Variants in TBCA observed in about 807,000 individuals in gnomAD.
TBCA encodes tubulin folding cofactor A, also known as tubulin-specific chaperone A.
A neutral mutation model predicts 15.8 loss-of-function variants in TBCA; 6 were observed. That is an observed-to-expected ratio of 0.38 (90% CI 0.21 to 0.75). The LOEUF is 0.75. Ranked by LOEUF, TBCA falls within the 30% of genes least tolerant of loss-of-function variation. The probability of loss-of-function intolerance (pLI) is 0.46; values close to 1 mark genes in which losing one functional copy is unlikely to be tolerated. For missense variants in TBCA, 90 were observed against 131.2 expected, an observed-to-expected ratio of 0.69 and a Z score of 1.53; for synonymous variants, 32 against 42.3, an observed-to-expected ratio of 0.76 and a Z score of 0.94.
chr5:77,753,707 G>A (rs1344917637), intron 1 of TBCA, among the ~76,000 whole-genome samples: 1 of 152,136 alleles, frequency 6.6e-6, no homozygotes, highest in Non-Finnish European at 1.5e-5. Flanking sequence ...TAATATCAAA[G>A]TTCAATTTTA....
At chr5:77,715,436 T>A (rs982725932) in intron 1 of TBCA, 24 of 560,300 alleles carry the variant, frequency 4.3e-5, no homozygotes, top group Non-Finnish European at 9.5e-6. Context: ...ATAGAATAGA[T>A]TCTAAGGAAC....
At chr5:77,744,060 G>A (rs960787707) in intron 1 of TBCA, among the ~76,000 whole-genome samples, 2 of 151,998 alleles carry the variant, frequency 1.3e-5, no homozygotes, top group African/African-American at 4.8e-5. Context: ...CAACTCCACG[G>A]ACCCTAAATG....
At chr5:77,693,804 A>AAC (rs1374468319) in intron 2 of TBCA, among the ~76,000 whole-genome samples, 3 of 109,810 alleles carry the variant, frequency 2.7e-5, no homozygotes, top group African/African-American at 1.3e-4. Context: ...CATCTCAAAA[A>AAC]AAAAAAAAAA....
intron 1 of TBCA, among the ~76,000 whole-genome samples, chr5:77,728,362 T>C (rs1746677847): frequency 6.6e-6 from 1 of 152,192 alleles, no homozygotes; most frequent in Non-Finnish European, 1.5e-5. Flanking sequence ...AGAACAGTTA[T>C]TCTTTCTTTA....
At chr5:77,700,850 G>C (rs760544346) in intron 2 of TBCA, among the ~76,000 whole-genome samples, 2 of 152,110 alleles carry the variant, frequency 1.3e-5, no homozygotes, top group African/African-American at 2.4e-5. Context: ...AAATGGGGCT[G>C]GGACAATTGG....
intron 1 of TBCA, among the ~76,000 whole-genome samples, chr5:77,724,254 A>T (rs1746584188): frequency 6.6e-6 from 1 of 152,078 alleles, no homozygotes. Flanking sequence ...TTAAAAACTA[A>T]ATTAGAAAGG....
intron 2 of TBCA, among the ~76,000 whole-genome samples, chr5:77,695,055 T>C (rs895770499): frequency 3.3e-5 from 5 of 152,218 alleles, no homozygotes; most frequent in African/African-American, 9.6e-5. Context: ...CCTATTTCCT[T>C]TCCTATGGAA....
intron 2 of TBCA, among the ~76,000 whole-genome samples, chr5:77,704,846 G>A (rs968603016): frequency 6.6e-6 from 1 of 152,196 alleles, no homozygotes; most frequent in Non-Finnish European, 1.5e-5. Context: ...CTATTGTTCT[G>A]TAATCAGATA....
At chr5:77,732,382 T>G (rs994691848) in intron 1 of TBCA, among the ~76,000 whole-genome samples, 1 of 151,946 alleles carries the variant, frequency 6.6e-6, no homozygotes, top group Non-Finnish European at 1.5e-5. Flanking sequence ...TTTGACCATC[T>G]CTACTAAAAA....
chr5:77,700,045 A>AG (rs1179564704), intron 2 of TBCA, among the ~76,000 whole-genome samples: 23 of 150,612 alleles, frequency 1.5e-4, no homozygotes, highest in African/African-American at 2.9e-4. Flanking sequence ...AAAAAAAAAA[A>AG]AAAAAGAAAA....
At chr5:77,761,912 C>A (rs1747652080) in intron 1 of TBCA, among the ~76,000 whole-genome samples, 1 of 152,226 alleles carries the variant, frequency 6.6e-6, no homozygotes, top group South Asian at 2.1e-4. Flanking sequence ...TTTAATACTT[C>A]TGTCTCAGAA....
At chr5:77,728,267 G>A (rs1184930799) in intron 1 of TBCA, among the ~76,000 whole-genome samples, 1 of 152,062 alleles carries the variant, frequency 6.6e-6, no homozygotes. Flanking sequence ...CCCAGAAAGG[G>A]CCTCAGAAGA....
intron 1 of TBCA, among the ~76,000 whole-genome samples, chr5:77,727,239 GAAAAAAAA>G (rs35477479): frequency 9.9e-5 from 8 of 81,042 alleles, no homozygotes; most frequent in African/African-American, 2.9e-4. Flanking sequence ...TCTGTCTCAG[GAAAAAAAA>G]AAAAAAAAAA....
At chr5:77,716,236 T>C (rs1746396651) in intron 1 of TBCA, among the ~76,000 whole-genome samples, 1 of 152,172 alleles carries the variant, frequency 6.6e-6, no homozygotes, top group African/African-American at 2.4e-5. Context: ...CAAAAAATGA[T>C]ACTACTAATG....
intron 1 of TBCA, among the ~76,000 whole-genome samples, chr5:77,762,892 G>A (rs891830675): frequency 6.6e-6 from 1 of 152,162 alleles, no homozygotes; most frequent in Admixed American, 6.5e-5. Flanking sequence ...GTGAGTGTGG[G>A]TCTGGAGCCT....
intron 2 of TBCA, among the ~76,000 whole-genome samples, chr5:77,699,584 C>G (rs183574096): frequency 6.6e-6 from 1 of 152,170 alleles, no homozygotes; most frequent in African/African-American, 2.4e-5. Flanking sequence ...AAAATTACCT[C>G]AAAACGGATT....
At chr5:77,698,710 C>A (rs56096518) in intron 2 of TBCA, among the ~76,000 whole-genome samples, 28 of 152,114 alleles carry the variant, frequency 1.8e-4, no homozygotes, top group African/African-American at 6.3e-4. Context: ...AGCAACACCA[C>A]ACAAAGACAG....
chr5:77,737,819 CA>C (rs1746945335), intron 1 of TBCA, among the ~76,000 whole-genome samples: 1 of 151,774 alleles, frequency 6.6e-6, no homozygotes, highest in African/African-American at 2.4e-5. Flanking sequence ...CTTTAACTAT[CA>C]ATTTCTCTTC....
intron 1 of TBCA, among the ~76,000 whole-genome samples, chr5:77,768,619 C>T (rs1747838574): frequency 2.0e-5 from 3 of 152,120 alleles, no homozygotes; most frequent in Non-Finnish European, 4.4e-5. Context: ...ATTGCAAAGA[C>T]TTTTACTGAG....
Sources: allele counts gnomAD v4.1 joint callset (sites outside exome capture counted in the v4.1 genomes callset), GRCh38; gene constraint gnomAD v4.1.1; transcripts MANE v1.5; gene names NCBI Gene and HGNC (gene_info 2026-07-23, HGNC 2026-07-21).